Variants in BCL2 observed in about 807,000 individuals in gnomAD.
BCL2 encodes the protein apoptosis regulator Bcl-2.
In BCL2, 1 loss-of-function variant was observed where a neutral mutation model predicts 14.2. The observed-to-expected ratio is 0.07, with a 90% CI of 0.02 to 0.33. The LOEUF (loss-of-function observed/expected upper bound fraction) is 0.33. Among genes scored for constraint, BCL2 ranks in the 10% least tolerant of loss-of-function variants. BCL2 has a pLI of 0.99. For synonymous variants in BCL2, 151 were observed against 137.2 expected, an observed-to-expected ratio of 1.10 and a Z score of -0.70; for missense variants, 247 against 305.9, an observed-to-expected ratio of 0.81 and a Z score of 1.44.
At position 63,250,546 on chromosome 18, in the gene BCL2, A is replaced by G. The variant is rs566972239; in HGVS notation, c.585+67536T>C. 2.0e-5 allele frequency among the ~76,000 whole-genome samples: 3 copies of G among 152,370 alleles called. No individual in the cohort carries two copies. The South Asian group carries it at 6.2e-4, about 32-fold the overall frequency. On this transcript the variant is annotated intron_variant, in intron 2 of 2. Transcript: ENST00000333681. The stretch of plus-strand genomic sequence containing the variant: ...ATTTTCATTGTATACACAAAAGCAT[A>G]TACTATTCAAAGCCGTTGGAGTCTT...
chr18:63,318,274 G>A lies in BCL2; in HGVS notation c.393C>T (p.Ala131=). 1 of 1,614,158 alleles carries A rather than the reference G, an allele frequency of 6.2e-7. No homozygotes were observed. The highest frequency in any genetic ancestry group is 8.5e-7 in the Non-Finnish European group (1 of 1,180,006). The change falls in exon 2 of 3, where the codon GCC becomes GCT. Residue 131 remains alanine (A), a synonymous_variant. Transcript: ENST00000333681. This position sits in a 1 kb window ranked among gnomAD's most constrained non-coding sequence, Gnocchi z 7.4. ...CCCTGAAGAGCTCCTCCACCACCGT[G>A]GCAAAGCGTCCCCGCGCGGTGAAGG... The part of the protein sequence containing the change: ...LTPFTARGRF[A]TVVEELFRDG...
chr18:63,157,128 G>T (rs1914803304), intron 2 of BCL2, among the ~76,000 whole-genome samples: 1 of 152,212 alleles, frequency 6.6e-6, no homozygotes, highest in African/African-American at 2.4e-5. Context: ...TATGCATCTG[G>T]GGTTAGGCTT....
At chr18:63,216,738 A>T (rs371257876) in intron 2 of BCL2, among the ~76,000 whole-genome samples, 2 of 152,346 alleles carry the variant, frequency 1.3e-5, no homozygotes, top group Admixed American at 6.5e-5. Flanking sequence ...AGAGACGTGC[A>T]CCACTGAAAG....
intron 2 of BCL2, among the ~76,000 whole-genome samples, chr18:63,265,519 C>T (rs1440055263): frequency 6.6e-6 from 1 of 152,170 alleles, no homozygotes; most frequent in African/African-American, 2.4e-5. Context: ...TTTGAAACAA[C>T]CTCACACACC....
intron 2 of BCL2, among the ~76,000 whole-genome samples, chr18:63,267,134 G>A (rs112680285): frequency 0.017 from 2,542 of 152,318 alleles, 58 homozygotes; most frequent in South Asian, 0.067. Context: ...GGGACAGCAC[G>A]ATGCAAGGCC....
chr18:63,226,219 T>C (rs555989859), intron 2 of BCL2, among the ~76,000 whole-genome samples: 12 of 152,192 alleles, frequency 7.9e-5, no homozygotes, highest in South Asian at 6.2e-4. Context: ...ATCCAGCTGC[T>C]TCTCTTCTCT....
At chr18:63,213,134 A>G (rs1333951773) in intron 2 of BCL2, among the ~76,000 whole-genome samples, 1 of 152,162 alleles carries the variant, frequency 6.6e-6, no homozygotes. Context: ...TTGCTCCCAT[A>G]ACCTCCCCTA....
intron 2 of BCL2, among the ~76,000 whole-genome samples, chr18:63,168,505 T>C (rs17070779): frequency 0.29 from 43,977 of 152,140 alleles, 8,836 homozygotes; most frequent in African/African-American, 0.54. Context: ...TCTGAGGTCA[T>C]TCTTTGCTGG....
Position 63,130,281 on chromosome 18 carries a change from GCA to G in BCL2, c.586-1524_586-1523del, listed in dbSNP as rs574892486. Among the ~76,000 whole-genome samples, 117 of 152,272 alleles carry G rather than the reference GCA, an allele frequency of 7.7e-4. 1 individual carries two copies. The highest frequency in any genetic ancestry group is 1.1e-3 in the Non-Finnish European group (75 of 68,020). On this transcript the variant is annotated intron_variant, in intron 2 of 2. Transcript: ENST00000333681. ...TTATTCCCAACAACCCTGACTCAAA[GCA>G]CACAGTTTTATTACAGGAAACAGTA...
chr18:63,219,763 T>C (rs759206050), intron 2 of BCL2, among the ~76,000 whole-genome samples: 10 of 152,200 alleles, frequency 6.6e-5, no homozygotes, highest in Non-Finnish European at 1.5e-4. Context: ...GGAACAATGA[T>C]GTTTATAATG....
chr18:63,254,488 A>C (rs1911412856), intron 2 of BCL2, among the ~76,000 whole-genome samples: 1 of 148,696 alleles, frequency 6.7e-6, no homozygotes, highest in South Asian at 2.2e-4. Context: ...CCAGGGAGGC[A>C]GAGGTTGCAG....
chr18:63,291,169 A>G (rs1912633912), intron 2 of BCL2, among the ~76,000 whole-genome samples: 1 of 152,196 alleles, frequency 6.6e-6, no homozygotes, highest in South Asian at 2.1e-4. Flanking sequence ...TGAAAAGTGC[A>G]AAAAAGCAAA....
chr18:63,200,343 A>C (rs11875971), intron 2 of BCL2, among the ~76,000 whole-genome samples: 51,011 of 152,156 alleles, frequency 0.34, 9,484 homozygotes, highest in African/African-American at 0.46. Flanking sequence ...AGATAGTAAT[A>C]AATGGGCTTC....
intron 2 of BCL2, among the ~76,000 whole-genome samples, chr18:63,283,766 C>T (rs544321405): frequency 6.6e-6 from 1 of 152,260 alleles, no homozygotes; most frequent in African/African-American, 2.4e-5. Context: ...CAATTCTATC[C>T]CTCCTAAGTC....
intron 2 of BCL2, among the ~76,000 whole-genome samples, chr18:63,222,209 GGTTT>G (rs1203896363): frequency 6.7e-6 from 1 of 149,716 alleles, no homozygotes; most frequent in African/African-American, 2.5e-5. Context: ...GGGAGGCAGA[GGTTT>G]CAGTGAGCCG....
intron 2 of BCL2, among the ~76,000 whole-genome samples, chr18:63,283,837 C>G (rs991932801): frequency 2.0e-5 from 3 of 152,224 alleles, no homozygotes; most frequent in African/African-American, 7.2e-5. Context: ...AGCAAAGACA[C>G]ATTCAAATGT....
chr18:63,221,054 C>G (rs1910378816), intron 2 of BCL2, among the ~76,000 whole-genome samples: 1 of 152,176 alleles, frequency 6.6e-6, no homozygotes, highest in South Asian at 2.1e-4. Flanking sequence ...CTGGCAAGTG[C>G]TGTCAGATGT....
chr18:63,216,430 C>T (rs1023050374), intron 2 of BCL2, among the ~76,000 whole-genome samples: 32 of 146,998 alleles, frequency 2.2e-4, no homozygotes, highest in Non-Finnish European at 3.4e-4. Context: ...ATGAGTGAAA[C>T]TTTGCTTAGG....
chr18:63,274,744 T>C (rs1242306040), intron 2 of BCL2, among the ~76,000 whole-genome samples: 1 of 152,158 alleles, frequency 6.6e-6, no homozygotes, highest in Non-Finnish European at 1.5e-5. Context: ...ACCCCGGGTG[T>C]GGAGTCTGCA....
Sources: gnomAD v4.1 joint callset for allele counts (sites outside exome capture counted in the v4.1 genomes callset) on GRCh38, gnomAD v4.1.1 for gene constraint, Gnocchi (gnomAD v3.1) non-coding constraint, MANE v1.5 for transcripts, NCBI Gene and HGNC (gene_info 2026-07-23, HGNC 2026-07-21) for gene names.